Variants in ZFHX2 observed in about 807,000 individuals in gnomAD.
ZFHX2 encodes zinc finger homeobox protein 2.
In ZFHX2, 75 loss-of-function variants were observed where a neutral mutation model predicts 164.8. The observed-to-expected ratio is 0.46, with a 90% CI of 0.38 to 0.55. The LOEUF (loss-of-function observed/expected upper bound fraction) is 0.55, where lower values mean the gene tolerates loss of function less well. Among genes scored for constraint, ZFHX2 ranks in the 20% least tolerant of loss-of-function variants. The pLI, the probability that ZFHX2 is intolerant of heterozygous loss-of-function variation, is 0.00. For missense variants in ZFHX2, 2,933 were observed against 3,308.0 expected, an observed-to-expected ratio of 0.89 and a Z score of 2.78; for synonymous variants, 1,217 against 1,351.4, an observed-to-expected ratio of 0.90 and a Z score of 2.18.
rs769701932 is a variant in ZFHX2, at chr14:23,526,780, C to G, written c.3262+67G>C. 10 of 1,527,538 alleles carry G rather than the reference C, an allele frequency of 6.5e-6. No homozygotes were observed. In the South Asian group the frequency reaches 1.2e-4, roughly 18 times the overall value. The allele number at this position is 1,527,538 out of a possible 1,614,324, so 94.6% of individuals were successfully genotyped here. On this transcript the variant is annotated intron_variant, in intron 8 of 9. Coordinates refer to ENST00000419474, the MANE Select transcript of ZFHX2 (RefSeq NM_033400.3). ...AGTTGACCTTGGCCTCAGTCATCTT[C>G]AGACCTTGTTGGCCCATGGAGTCCC...
rs200591718 is a variant in ZFHX2 at position 23,524,263 on chromosome 14, C to T, written c.5679G>A (p.Glu1893=). The T allele has an allele frequency of 9.3e-4, 1,430 of 1,536,270 alleles. 3 individuals carry two copies. Among genetic ancestry groups the T allele is most frequent in the Non-Finnish European group, 1.1e-3 (1,319 of 1,146,964 alleles). The change falls in exon 9 of 10, where the codon GAG becomes GAA. Residue 1893 remains glutamate, a synonymous_variant. Coordinates refer to ENST00000419474, the MANE Select transcript of ZFHX2 (RefSeq NM_033400.3). This position sits in a 1 kb window ranked among gnomAD's most constrained non-coding sequence, Gnocchi z 5.6. ...TRKMLDCISE[E]VGLKKRVVQV... ...GTACCACTCGCTTTTTGAGCCCCACCTCCTCGGAGATGCAGTCGAGCATCT... is the reference window on the plus strand; with the variant it reads ...GTACCACTCGCTTTTTGAGCCCCACTTCCTCGGAGATGCAGTCGAGCATCT...
Position 23,524,911 on chromosome 14 carries a change from G to A in ZFHX2, c.5031C>T (p.Ala1677=), listed in dbSNP as rs1566574219. The A allele has an allele frequency of 6.5e-7, 1 of 1,536,304 alleles. No homozygotes were observed. ...GGASGCRRCH[A]TFSCVFELVR... is the part of the protein sequence containing the mutation. ...CCAACTCAAAAACACAGGAGAAAGTGGCGTGGCAACGCCTGCAGCCGGAGG... is the reference window on the plus strand; with the variant it reads ...CCAACTCAAAAACACAGGAGAAAGTAGCGTGGCAACGCCTGCAGCCGGAGG... Residue 1677 remains alanine, a synonymous_variant, in exon 9 of 10, where the codon GCC becomes GCT. Coordinates refer to ENST00000419474, the MANE Select transcript of ZFHX2 (RefSeq NM_033400.3). The surrounding 1 kb of genome is among the most constrained non-coding windows in gnomAD (Gnocchi z 5.6).
chr14:23,540,809 T>A (rs1402924860), intron 1 of ZFHX2, among the ~76,000 whole-genome samples: 3 of 152,236 alleles, frequency 2.0e-5, no homozygotes, highest in Admixed American at 2.0e-4. Flanking sequence ...ATGAGGGTAG[T>A]TCTTTTCCTT....
chr14:23,535,156 C>A lies in ZFHX2; in HGVS notation c.170G>T (p.Gly57Val). The change falls in exon 2 of 10, where the codon GGG (glycine) becomes GTG (valine). Residue 57 changes from glycine to valine, a missense_variant. Gly to Val is a moderately radical substitution (Grantham distance 109, BLOSUM62 -3). Transcript: ENST00000419474. The surrounding 1 kb of genome is among the most constrained non-coding windows in gnomAD (Gnocchi z 4.5). ...ACAGCCCGACTCCAGGAGCTGTCCCCCTGGCTCTGAGGACCTCATGTTCTC... is the reference window on the plus strand; with the variant it reads ...ACAGCCCGACTCCAGGAGCTGTCCCACTGGCTCTGAGGACCTCATGTTCTC... ...TSENMRSSEP[G>V]GQLLESGCGL... 1 of 1,535,962 alleles carries A rather than the reference C, an allele frequency of 6.5e-7. No individual in the cohort carries two copies. The highest frequency in any genetic ancestry group is 8.7e-7 in the Non-Finnish European group (1 of 1,146,680).
At chr14:23,539,624 G>A (rs1254189642) in intron 1 of ZFHX2, among the ~76,000 whole-genome samples, 2 of 152,170 alleles carry the variant, frequency 1.3e-5, no homozygotes, top group Admixed American at 6.5e-5. Context: ...TCTGCCCCTC[G>A]CTGAAGAGGA....
chr14:23,533,917 A>G lies in ZFHX2; in HGVS notation c.1409T>C (p.Val470Ala), dbSNP rs1326653906. ...CTCAGGGTGCTTCTCTCGCATGTGC[A>G]CATCCAGGGTCTGCTGGTACTTGTA... ...WHYKYQQTLD[V>A]HMREKHPESN... Residue 470 changes from valine to alanine, a missense_variant, in exon 2 of 10, where the codon GTG (valine) becomes GCG (alanine). By Grantham distance (64) the Val-to-Ala change is moderately conservative. Transcript: ENST00000419474. The surrounding 1 kb of genome is among the most constrained non-coding windows in gnomAD (Gnocchi z 4.8). The G allele has an allele frequency of 2.6e-6, 4 of 1,538,068 alleles. No homozygotes were observed. The Admixed American group carries it at 5.9e-5, about 23-fold the overall frequency.
rs1323960708 is a variant in ZFHX2, at chr14:23,533,467, G to T, written c.1859C>A (p.Pro620Gln). Residue 620 changes from proline to glutamine, a missense_variant, in exon 2 of 10, where the codon CCA (proline) becomes CAA (glutamine). Transcript: ENST00000419474. The surrounding 1 kb of genome is among the most constrained non-coding windows in gnomAD (Gnocchi z 4.8). ...GGGGCTAGTGGGGGTAGCCCCTGGT[G>T]GGGGAGGAGGGCCTGGCCCCATCAA... ...PGLMGPGPPPPPGATPTSPPE... is the reference protein window; with the variant it reads ...PGLMGPGPPPQPGATPTSPPE... 1.1e-5 allele frequency: 17 copies of T among 1,535,294 alleles called. No homozygotes were observed. Among genetic ancestry groups the T allele is most frequent in the Middle Eastern group, 1.7e-4 (1 of 5,988 alleles).
intron 1 of ZFHX2, among the ~76,000 whole-genome samples, chr14:23,539,048 C>T (rs1207513127): frequency 2.6e-5 from 4 of 152,108 alleles, no homozygotes; most frequent in Non-Finnish European, 5.9e-5. Context: ...TAGTCATCCC[C>T]TGAGATGAAT....
chr14:23,532,301 T>C (rs1291671310), intron 3 of ZFHX2: 3 of 372,572 alleles, frequency 8.1e-6, no homozygotes, highest in Non-Finnish European at 1.4e-5. Context: ...CATGACAAAC[T>C]GAGCTGATAC....
At position 23,521,793 on chromosome 14, in the gene ZFHX2, C is replaced by T. The variant is rs923253053; in HGVS notation, c.*169G>A. On this transcript the variant is annotated 3_prime_UTR_variant, in exon 10 of 10. Coordinates refer to ENST00000419474, the MANE Select transcript of ZFHX2 (RefSeq NM_033400.3). Reference sequence around the variant, plus strand: ...GTGGGGATTGGGAGGAGGCAGGACTCTGCTGGAAGTGGGGTGTGTGGTGCC... The same window carrying T: ...GTGGGGATTGGGAGGAGGCAGGACTTTGCTGGAAGTGGGGTGTGTGGTGCC... The T allele has an allele frequency of 9.0e-6, 11 of 1,222,172 alleles. No homozygotes were observed. The highest frequency in any genetic ancestry group is 5.7e-4 in the Middle Eastern group (2 of 3,496). The allele number at this position is 1,222,172 out of a possible 1,614,324, so 75.7% of individuals were successfully genotyped here. A position where few individuals can be genotyped will look rare whatever the true frequency, so the allele number is the denominator to read the frequency against.
Position 23,546,461 on chromosome 14 carries a change from G to A in ZFHX2, c.-50+4882C>T, listed in dbSNP as rs1881391970. Among the ~76,000 whole-genome samples the A allele has an allele frequency of 6.6e-6, 1 of 152,152 alleles. No homozygotes were observed. The highest frequency in any genetic ancestry group is 2.4e-5 in the African/African-American group (1 of 41,426). ...TGGTACAGCTTGGTGACAGGACTGT[G>A]GGTGGACCTCAGCCCTGTCACCCCT... On this transcript the variant is annotated intron_variant, in intron 1 of 9. Transcript: ENST00000419474. The surrounding 1 kb of genome is among the most constrained non-coding windows in gnomAD (Gnocchi z 4.7).
In ZFHX2 at chr14:23,526,944, G is replaced by C; in HGVS notation, c.3165C>G (p.Thr1055=). Residue 1055 remains threonine (T), a synonymous_variant, in exon 8 of 10, where the codon ACC becomes ACG. Transcript: ENST00000419474. ...TTAATGTGGGTGCAGACAGCACTTT[G>C]GTTGTAAATGTCATTTCTACAGTTG... The part of the protein sequence containing the change: ...VATTVEMTFT[T]KVLSAPTLSP... The C allele has an allele frequency of 9.2e-6, 14 of 1,526,748 alleles. No homozygotes were observed. Among genetic ancestry groups the C allele is most frequent in the Non-Finnish European group, 1.2e-5 (14 of 1,143,678 alleles). 94.6% of individuals were successfully genotyped at this position (1,526,748 alleles called of 1,614,324 possible). A position where few individuals can be genotyped will look rare whatever the true frequency, so the allele number is the denominator to read the frequency against.
intron 1 of ZFHX2, chr14:23,543,900 C>T (rs930538196): frequency 5.9e-5 from 9 of 151,938 alleles, no homozygotes; most frequent in African/African-American, 1.9e-4. Context: ...AATTCTAGTT[C>T]TGTTTCTTAA....
In ZFHX2 at chr14:23,526,539, C is replaced by T. The variant is rs376848350; in HGVS notation, c.3403G>A (p.Ala1135Thr). The T allele has an allele frequency of 7.8e-6, 12 of 1,535,888 alleles. No homozygotes were observed. In the African/African-American group the frequency reaches 9.6e-5, roughly 12 times the overall value. ...PAPSPVPEPDAQAEDVAPPPT... is the reference protein window; with the variant it reads ...PAPSPVPEPDTQAEDVAPPPT... ...GGAGGAGCTACGTCTTCAGCTTGGG[C>T]ATCAGGTTCAGGGACTGGAGATGGG... is the stretch of plus-strand genomic sequence containing the variant. Residue 1135 changes from alanine to threonine, a missense_variant, in exon 9 of 10, where the codon GCC becomes ACC. By Grantham distance (58) the Ala-to-Thr change is moderately conservative. Coordinates refer to ENST00000419474, the MANE Select transcript of ZFHX2 (RefSeq NM_033400.3).
chr14:23,548,212 T>G (rs1302470805), intron 1 of ZFHX2, among the ~76,000 whole-genome samples: 1 of 152,180 alleles, frequency 6.6e-6, no homozygotes, highest in Non-Finnish European at 1.5e-5. Context: ...CTGCCTGCCT[T>G]TTGATCCAAC....
chr14:23,539,854 TC>T (rs987379514), intron 1 of ZFHX2, among the ~76,000 whole-genome samples: 1 of 152,170 alleles, frequency 6.6e-6, no homozygotes, highest in Admixed American at 6.5e-5. Flanking sequence ...GGCTTTTTCC[TC>T]CCTAACTCCC....
rs1170817803 is a variant in ZFHX2, at chr14:23,525,431, C to T, written c.4511G>A (p.Arg1504His). ...ILKTHEEHVH[R>H]RFLPFEALSR... ...CAGGGCTTCAAAGGGCAGAAAGCGG[C>T]GGTGGACATGTTCCTCGTGTGTCTT... The change falls in exon 9 of 10, where the codon CGC (arginine) becomes CAC (histidine). Residue 1504 changes from arginine (R) to histidine (H), a missense_variant. By Grantham distance (29) the Arg-to-His change is conservative. Coordinates refer to ENST00000419474, the MANE Select transcript of ZFHX2 (RefSeq NM_033400.3). The surrounding 1 kb of genome is among the most constrained non-coding windows in gnomAD (Gnocchi z 5.9). 4.6e-6 allele frequency: 7 copies of T among 1,535,978 alleles called. No homozygotes were observed. Among genetic ancestry groups the T allele is most frequent in the Admixed American group, 2.0e-5 (1 of 50,984 alleles).
Position 23,533,143 on chromosome 14 carries a change from A to T in ZFHX2, c.2042-59T>A. The T allele has an allele frequency of 6.8e-7, 1 of 1,463,878 alleles. No homozygotes were observed. The highest frequency in any genetic ancestry group is 9.0e-7 in the Non-Finnish European group (1 of 1,110,298). 90.7% of individuals were successfully genotyped at this position (1,463,878 alleles called of 1,614,324 possible). A position where few individuals can be genotyped will look rare whatever the true frequency, so the allele number is the denominator to read the frequency against. ...AGAAATGGGGCACGGTTGGTTCTCT[A>T]TGTGGGGAGGTGGGTTAATGAGTAG... is the stretch of plus-strand genomic sequence containing the variant. On this transcript the variant is annotated intron_variant, in intron 2 of 9. Transcript: ENST00000419474. This position sits in a 1 kb window ranked among gnomAD's most constrained non-coding sequence, Gnocchi z 4.8.
At position 23,522,405 on chromosome 14, in the gene ZFHX2, C is replaced by T. The variant is rs1878119306; in HGVS notation, c.7276G>A (p.Glu2426Lys). ...TCATCAACCTCACCAGCTTCCCCCTCCCCTGGAGCAGGCAGTTCAGGAGGC... is the reference window on the plus strand; with the variant it reads ...TCATCAACCTCACCAGCTTCCCCCTTCCCTGGAGCAGGCAGTTCAGGAGGC... ...PKPPELPAPG[E>K]GEAGEVDELL... is the part of the protein sequence containing the mutation. The change falls in exon 10 of 10, where the codon GAG (glutamate) becomes AAG (lysine). Residue 2426 changes from glutamate to lysine, a missense_variant. Transcript: ENST00000419474. 1 of 1,536,398 alleles carries T rather than the reference C, an allele frequency of 6.5e-7. No individual in the cohort carries two copies. The highest frequency in any genetic ancestry group is 8.7e-7 in the Non-Finnish European group (1 of 1,146,908).
Sources: gnomAD v4.1 joint callset for allele counts (sites outside exome capture counted in the v4.1 genomes callset) on GRCh38, gnomAD v4.1.1 for gene constraint, Gnocchi (gnomAD v3.1) non-coding constraint, MANE v1.5 for transcripts, NCBI Gene and HGNC (gene_info 2026-07-23, HGNC 2026-07-21) for gene names.